Variants in LGALS8 observed in about 807,000 individuals in gnomAD.
LGALS8 encodes the protein galectin-8.
Under a neutral mutation model 35.9 loss-of-function variants are expected in LGALS8, and 30 were observed. The ratio of observed to expected loss-of-function variants is 0.83; its 90% CI spans 0.62 to 1.13. The LOEUF is 1.13. LGALS8 is among the 50% of genes most tolerant of loss of function. The pLI, the probability that LGALS8 is intolerant of heterozygous loss-of-function variation, is 0.00. For synonymous variants in LGALS8, 138 were observed against 136.1 expected, an observed-to-expected ratio of 1.01 and a Z score of -0.10; for missense variants, 366 against 388.7, an observed-to-expected ratio of 0.94 and a Z score of 0.49.
chr1:236,540,538 G>T, intron 4 of LGALS8, 26 bp from the exon 5 acceptor site: 1 of 1,515,420 alleles, frequency 6.6e-7, no homozygotes, highest in Non-Finnish European at 8.8e-7. Context: ...GTGGCGGGGG[G>T]GGCTCTGTCT....
At chr1:236,533,981 T>G (rs1661309014) in intron 2 of LGALS8, among the ~76,000 whole-genome samples, 1 of 152,150 alleles carries the variant, frequency 6.6e-6, no homozygotes, top group Admixed American at 6.5e-5. Flanking sequence ...TGACCCCGGA[T>G]GTAGCTGCCT....
chr1:236,543,516 C>T (rs750490438), intron 7 of LGALS8, 44 bp from the exon 8 acceptor site: 26 of 1,381,668 alleles, frequency 1.9e-5, no homozygotes, highest in African/African-American at 1.6e-4. Context: ...CCCTGGAGAT[C>T]GCTTTCTGCA....
intron 6 of LGALS8, among the ~76,000 whole-genome samples, chr1:236,542,177 GAC>G (rs1358411890): frequency 6.6e-6 from 1 of 152,178 alleles, no homozygotes; most frequent in African/African-American, 2.4e-5. Context: ...GGACAACTAA[GAC>G]ACGTTTGAAG....
At chr1:236,534,561 C>T (rs906289957) in intron 2 of LGALS8, among the ~76,000 whole-genome samples, 2 of 150,558 alleles carry the variant, frequency 1.3e-5, no homozygotes, top group Non-Finnish European at 1.5e-5. Flanking sequence ...GCCACATAGT[C>T]GTGGGTTAAA....
At chr1:236,546,314 T>G (rs1190551063) in intron 9 of LGALS8, among the ~76,000 whole-genome samples, 1 of 152,252 alleles carries the variant, frequency 6.6e-6, no homozygotes, top group African/African-American at 2.4e-5. Flanking sequence ...CTTGTGTTGA[T>G]CACTGCTGAC....
chr1:236,537,021 C>CTTTTTT (rs60024224), intron 2 of LGALS8, among the ~76,000 whole-genome samples: 16 of 137,888 alleles, frequency 1.2e-4, no homozygotes, highest in African/African-American at 3.5e-4. Context: ...TATGCAGTTC[C>CTTTTTT]TTTTTTTTTT....
At chr1:236,533,015 T>G (rs1661236861) in intron 2 of LGALS8, among the ~76,000 whole-genome samples, 1 of 152,222 alleles carries the variant, frequency 6.6e-6, no homozygotes, top group African/African-American at 2.4e-5. Flanking sequence ...GCCAGGCTTA[T>G]GGCAGCAGTC....
upstream of LGALS8, among the ~76,000 whole-genome samples, chr1:236,519,063 C>A (rs2103056565): frequency 6.6e-6 from 1 of 152,024 alleles, no homozygotes; most frequent in East Asian, 1.9e-4. Context: ...AAAATGTGGG[C>A]TCTATATATA....
At chr1:236,529,104 T>C (rs1660997379) in intron 2 of LGALS8, among the ~76,000 whole-genome samples, 1 of 150,900 alleles carries the variant, frequency 6.6e-6, no homozygotes, top group Non-Finnish European at 1.5e-5. Flanking sequence ...AGTGAGACCT[T>C]GTCTCTCTAT....
At position 236,551,935 on chromosome 1, in the gene LGALS8, T is replaced by C. The variant is rs1572028293; in HGVS notation, c.*3774T>C. 1 of 1,118,240 alleles carries C rather than the reference T, an allele frequency of 8.9e-7. No individual in the cohort carries two copies. Among genetic ancestry groups the C allele is most frequent in the East Asian group, 2.4e-5 (1 of 42,178 alleles). 69.3% of individuals were successfully genotyped at this position (1,118,240 alleles called of 1,614,324 possible). ...AAATCTGCATTATCATTGGGCACATTTTCACAGAATTTTACTGAATTATTC... is the reference window on the plus strand; with the variant it reads ...AAATCTGCATTATCATTGGGCACATCTTCACAGAATTTTACTGAATTATTC... On this transcript the variant is annotated 3_prime_UTR_variant, in exon 10 of 10. Transcript: ENST00000366584.
upstream of LGALS8, among the ~76,000 whole-genome samples, chr1:236,522,810 T>C (rs1660593666): frequency 6.6e-6 from 1 of 152,110 alleles, no homozygotes; most frequent in Admixed American, 6.6e-5. Context: ...GATTGGATCT[T>C]GAGAAGTGCA....
At position 236,551,011 on chromosome 1, in the gene LGALS8, T is replaced by C; in HGVS notation, c.*2850T>C. The C allele has an allele frequency of 1.4e-6, 2 of 1,383,968 alleles. No homozygotes were observed. The highest frequency in any genetic ancestry group is 9.7e-7 in the Non-Finnish European group (1 of 1,032,340). 85.7% of individuals were successfully genotyped at this position (1,383,968 alleles called of 1,614,324 possible). A position where few individuals can be genotyped will look rare whatever the true frequency, so the allele number is the denominator to read the frequency against. ...TTCATCTAAAAAAAAAAAAAAAAAA[T>C]CAAAATTAAAATCTGAGTCAGTCCG... On this transcript the variant is annotated 3_prime_UTR_variant, in exon 10 of 10. Transcript: ENST00000366584.
At chr1:236,538,478 G>A (rs1295277424) in intron 3 of LGALS8, among the ~76,000 whole-genome samples, 1 of 152,188 alleles carries the variant, frequency 6.6e-6, no homozygotes, top group Non-Finnish European at 1.5e-5. Context: ...CTGTGCTTTG[G>A]GTAGCTGGAT....
chr1:236,550,640 T>G lies in LGALS8; in HGVS notation c.*2479T>G, dbSNP rs773839999. On this transcript the variant is annotated 3_prime_UTR_variant, in exon 10 of 10. Coordinates refer to ENST00000366584, the MANE Select transcript of LGALS8 (RefSeq NM_201544.4). Reference sequence around the variant, plus strand: ...TTACCATCAATCAGGAAGAGAATAATAAATGTTTAAACAAACACAGCAGTC... The same window carrying G: ...TTACCATCAATCAGGAAGAGAATAAGAAATGTTTAAACAAACACAGCAGTC... 2 of 394,152 alleles carry G rather than the reference T, an allele frequency of 5.1e-6. No individual in the cohort carries two copies. Among genetic ancestry groups the G allele is most frequent in the Non-Finnish European group, 9.0e-6 (2 of 221,676 alleles). 24.4% of individuals were successfully genotyped at this position (394,152 alleles called of 1,614,324 possible).
chr1:236,544,821 A>C lies in LGALS8; in HGVS notation c.710A>C (p.Lys237Thr), dbSNP rs561885749. ...ALHLNPRLNIKAFVRNSFLQE... is the reference protein window; with the variant it reads ...ALHLNPRLNITAFVRNSFLQE... ...CACTTGAACCCACGCCTGAATATTA[A>C]AGCATTTGTAAGAAATTCTTTTCTT... The change falls in exon 9 of 10, where the codon AAA becomes ACA. Residue 237 changes from lysine (K) to threonine (T), a missense_variant. Physicochemically the swap from Lys to Thr is moderately conservative, Grantham distance 78. Transcript: ENST00000366584. The C allele has an allele frequency of 6.2e-7, 1 of 1,613,928 alleles. No individual in the cohort carries two copies. Among genetic ancestry groups the C allele is most frequent in the African/African-American group, 1.3e-5 (1 of 75,050 alleles).
At chr1:236,541,771 A>C in intron 6 of LGALS8, 61 bp downstream of exon 6, 1 of 839,378 alleles carries the variant, frequency 1.2e-6, no homozygotes, top group Non-Finnish European at 1.8e-6. Context: ...CTGCCATGTT[A>C]ATGAAATGGC....
intron 1 of LGALS8, 159 bp downstream of exon 1, chr1:236,524,220 C>T (rs1327166210): frequency 2.2e-6 from 1 of 456,232 alleles, no homozygotes; most frequent in African/African-American, 2.0e-5. Context: ...CCCGCCGGTC[C>T]TCACCGCGGC....
intron 2 of LGALS8, among the ~76,000 whole-genome samples, chr1:236,528,546 A>ATTTTTTTTTTTTTTTT (rs61261486): frequency 4.8e-5 from 5 of 104,234 alleles, no homozygotes; most frequent in Admixed American, 1.3e-4. Flanking sequence ...AATGTTTCCA[A>ATTTTTTTTTTTTTTTT]TTTTTTTTTT....
In LGALS8 at chr1:236,548,922, G is replaced by A. The variant is rs1389513461; in HGVS notation, c.*761G>A. 5.0e-6 allele frequency: 2 copies of A among 398,498 alleles called. No individual in the cohort carries two copies. Among genetic ancestry groups the A allele is most frequent in the Admixed American group, 8.8e-5 (2 of 22,720 alleles). 24.7% of individuals were successfully genotyped at this position (398,498 alleles called of 1,614,324 possible). ...TTAACTTGATGCCAAGCCCAAGGCA[G>A]CTGATTTCTGTGTATTTGAACTTAG... is the stretch of plus-strand genomic sequence containing the variant. On this transcript the variant is annotated 3_prime_UTR_variant, in exon 10 of 10. Coordinates refer to ENST00000366584, the MANE Select transcript of LGALS8 (RefSeq NM_201544.4).
Sources: gnomAD v4.1 joint callset for allele counts (sites outside exome capture counted in the v4.1 genomes callset) on GRCh38, gnomAD v4.1.1 for gene constraint, MANE v1.5 for transcripts, NCBI Gene and HGNC (gene_info 2026-07-23, HGNC 2026-07-21) for gene names.